The following IL34 variants were observed in gnomAD, a reference collection of about 807,000 sequenced individuals.
The protein encoded by IL34 is interleukin 34, also known as interleukin-34.
A neutral mutation model predicts 25.3 loss-of-function variants in IL34; 17 were observed. That is an observed-to-expected ratio of 0.67 (90% CI 0.46 to 1.01). The LOEUF (loss-of-function observed/expected upper bound fraction) is 1.01, where lower values mean the gene tolerates loss of function less well. IL34 is among the 50% of genes least tolerant of loss of function. IL34 has a pLI of 0.00. For missense variants in IL34, 368 were observed against 312.9 expected (o/e 1.18, Z -1.33); for synonymous variants, 174 against 140.9 (o/e 1.23, Z -1.66).
rs959450173 is a variant in IL34 at position 70,648,110 on chromosome 16, G to T, written c.28+1135G>T. 2.6e-5 allele frequency among the ~76,000 whole-genome samples: 4 copies of T among 152,232 alleles called. No homozygotes were observed. The South Asian group carries it at 8.3e-4, about 31-fold the overall frequency. ...TGTGCCTCCCTCCCCATAGCAGGCA[G>T]CCCTGGAGGATTTGAGAGCCCGGCG... On this transcript the variant is annotated intron_variant, in intron 1 of 5. Coordinates refer to ENST00000288098, the MANE Select transcript of IL34 (RefSeq NM_001393494.1).
At chr16:70,617,674 G>A (rs1248551676) in intron 1 of IL34, among the ~76,000 whole-genome samples, 32 of 152,250 alleles carry the variant, frequency 2.1e-4, no homozygotes, top group African/African-American at 7.2e-4. Flanking sequence ...TGAGCTTGGT[G>A]AGGTGTGTTT....
upstream of IL34, among the ~76,000 whole-genome samples, chr16:70,644,454 C>CT (rs2051859111): frequency 1.3e-5 from 2 of 151,806 alleles, no homozygotes; most frequent in Admixed American, 1.3e-4. Context: ...ACAACTTCCA[C>CT]TATAAAGGAA....
At chr16:70,617,006 TG>T in intron 1 of IL34, among the ~76,000 whole-genome samples, 1 of 151,244 alleles carries the variant, frequency 6.6e-6, no homozygotes, top group Non-Finnish European at 1.5e-5. Flanking sequence ...GGAGAGAGAG[TG>T]GGCGATGTTT....
chr16:70,596,681 A>G (rs1442175577), intron 1 of IL34, among the ~76,000 whole-genome samples: 5 of 152,182 alleles, frequency 3.3e-5, no homozygotes, highest in Admixed American at 1.3e-4. Context: ...GGGTAGAGCG[A>G]CTATTGCCTG....
upstream of IL34, among the ~76,000 whole-genome samples, chr16:70,644,816 G>A (rs908320584): frequency 6.1e-5 from 9 of 146,788 alleles, no homozygotes; most frequent in Non-Finnish European, 1.2e-4. Context: ...TGAAAAGGAG[G>A]AAGGGAGGAG....
At chr16:70,586,650 G>A (rs1250119898) in intron 1 of IL34, among the ~76,000 whole-genome samples, 1 of 152,178 alleles carries the variant, frequency 6.6e-6, no homozygotes, top group Non-Finnish European at 1.5e-5. Context: ...GCAGAGTGGC[G>A]TGGGGTAGAT....
chr16:70,656,293 T>C lies in IL34; in HGVS notation c.163-309T>C, dbSNP rs529927516. 2.1e-3 allele frequency among the ~76,000 whole-genome samples: 315 copies of C among 152,184 alleles called. 1 individual carries two copies. The highest frequency in any genetic ancestry group is 7.2e-3 in the African/African-American group (299 of 41,520). ...GGCTCATACCTATAACCCCAGCACT[T>C]TGAGGGGCTTGAGCCCGGGATTCAA... On this transcript the variant is annotated intron_variant, in intron 2 of 5. Coordinates refer to ENST00000288098, the MANE Select transcript of IL34 (RefSeq NM_001393494.1).
intron 1 of IL34, among the ~76,000 whole-genome samples, chr16:70,606,269 G>T (rs1487194268): frequency 6.6e-6 from 1 of 151,846 alleles, no homozygotes. Flanking sequence ...GTGGTGGTGG[G>T]TGCCTGTAGT....
At chr16:70,597,543 T>G (rs1252241538) in intron 1 of IL34, among the ~76,000 whole-genome samples, 1 of 152,200 alleles carries the variant, frequency 6.6e-6, no homozygotes, top group African/African-American at 2.4e-5. Flanking sequence ...GCCCAGTTTT[T>G]TAGTTCTTGT....
chr16:70,616,683 A>G (rs1444729889), intron 1 of IL34, among the ~76,000 whole-genome samples: 1 of 152,168 alleles, frequency 6.6e-6, no homozygotes, highest in Non-Finnish European at 1.5e-5. Context: ...TGGATCTCAC[A>G]CAGTACATTC....
chr16:70,652,835 T>G (rs1261674810), intron 1 of IL34, among the ~76,000 whole-genome samples: 1 of 152,212 alleles, frequency 6.6e-6, no homozygotes, highest in East Asian at 1.9e-4. Flanking sequence ...TAACAGAAAT[T>G]GCTAAATTGC....
intron 1 of IL34, among the ~76,000 whole-genome samples, chr16:70,632,605 T>C (rs976468473): frequency 6.6e-6 from 1 of 152,098 alleles, no homozygotes; most frequent in Non-Finnish European, 1.5e-5. Context: ...GGCTTTCCAA[T>C]GGAGCATCTG....
intron 1 of IL34, among the ~76,000 whole-genome samples, chr16:70,636,582 C>G (rs1420101559): frequency 1.6e-5 from 2 of 124,070 alleles, no homozygotes; most frequent in African/African-American, 6.5e-5. Flanking sequence ...ATAGCAAACC[C>G]TGTCACACAC....
At position 70,639,721 on chromosome 16, in the gene IL34, G is replaced by A. The variant is rs551941791; in HGVS notation, c.-400-6827G>A. Among the ~76,000 whole-genome samples, 35 of 152,272 alleles carry A rather than the reference G, an allele frequency of 2.3e-4. No individual in the cohort carries two copies. The East Asian group carries it at 3.9e-3, about 17-fold the overall frequency. On this transcript the variant is annotated intron_variant, in intron 1 of 6. Coordinates refer to the IL34 transcript ENST00000429149. ...TCTAATCCCAGCACTTAGGGAGGCC[G>A]GGGTCGAGGATTGCTTGAGCCCAGG...
At chr16:70,628,912 C>T (rs919084585) in intron 1 of IL34, among the ~76,000 whole-genome samples, 4 of 151,922 alleles carry the variant, frequency 2.6e-5, no homozygotes, top group African/African-American at 9.7e-5. Flanking sequence ...CTCGGCCTCC[C>T]GAGGAGCTGG....
upstream of IL34, among the ~76,000 whole-genome samples, chr16:70,644,394 T>C (rs373332466): frequency 6.6e-6 from 1 of 152,240 alleles, no homozygotes; most frequent in South Asian, 2.1e-4. Flanking sequence ...TCTGAGTAAC[T>C]GCTATATGGG....
At chr16:70,642,198 T>C (rs548131790), upstream of IL34, among the ~76,000 whole-genome samples, 2 of 152,156 alleles carry the variant, frequency 1.3e-5, no homozygotes, top group South Asian at 4.2e-4. Flanking sequence ...CTTCTCACTA[T>C]GTACTCACAT....
chr16:70,648,945 C>G (rs1460720464), intron 1 of IL34, among the ~76,000 whole-genome samples: 1 of 152,178 alleles, frequency 6.6e-6, no homozygotes, highest in Non-Finnish European at 1.5e-5. Context: ...TCAGATCTCC[C>G]TTTGTCTTTG....
intron 2 of IL34, among the ~76,000 whole-genome samples, 185 bp from the exon 3 acceptor site, chr16:70,656,417 G>C (rs1258364112): frequency 6.6e-6 from 1 of 152,178 alleles, no homozygotes; most frequent in African/African-American, 2.4e-5. Flanking sequence ...TACTTGGGAG[G>C]CTGAGGTGGA....
Sources: gnomAD v4.1 joint callset for allele counts (sites outside exome capture counted in the v4.1 genomes callset) on GRCh38, gnomAD v4.1.1 for gene constraint, MANE v1.5 for transcripts, NCBI Gene and HGNC (gene_info 2026-07-23, HGNC 2026-07-21) for gene names.